The following PXN variants were observed in gnomAD, a reference collection of about 807,000 sequenced individuals.
PXN encodes paxillin.
In PXN, 61 loss-of-function variants were observed where a neutral mutation model predicts 103.6. That is an observed-to-expected ratio of 0.59 (90% CI 0.48 to 0.73). The LOEUF is 0.73. Ranked by LOEUF, PXN falls within the 30% of genes least tolerant of loss-of-function variation. The pLI is 0.00. For missense variants in PXN, 1,274 were observed against 1,460.3 expected (o/e 0.87, Z 2.08); for synonymous variants, 562 against 607.8 (o/e 0.92, Z 1.11).
Position 120,222,087 on chromosome 12 carries a change from G to A in PXN, c.696-329C>T, listed in dbSNP as rs1483571242. On this transcript the variant is annotated intron_variant, in intron 5 of 14. Transcript: ENST00000637617. The surrounding 1 kb of genome is among the most constrained non-coding windows in gnomAD (Gnocchi z 4.7). ...AACACGACGGCACTGGTAAGAGCTC[G>A]CGTGTTGGGCACTCACCATGTGTGC... Among the ~76,000 whole-genome samples the A allele has an allele frequency of 1.3e-5, 2 of 152,198 alleles. No homozygotes were observed. Among genetic ancestry groups the A allele is most frequent in the Non-Finnish European group, 2.9e-5 (2 of 68,026 alleles).
chr12:120,228,399 C>T lies in PXN; in HGVS notation c.14-4022G>A, dbSNP rs368425371. ...CATGAGGAGGTAGGCCAGGCTGTCT[C>T]GAGGCTGAGGGCAGGCTAGGTGCAA... On this transcript the variant is annotated intron_variant, in intron 1 of 14. Transcript: ENST00000637617. The surrounding 1 kb of genome is among the most constrained non-coding windows in gnomAD (Gnocchi z 4.7). Among the ~76,000 whole-genome samples the T allele has an allele frequency of 9.2e-5, 14 of 152,200 alleles. No homozygotes were observed. Among genetic ancestry groups the T allele is most frequent in the East Asian group, 5.8e-4 (3 of 5,158 alleles).
chr12:120,212,196 G>A lies in PXN; in HGVS notation c.*118C>T, dbSNP rs1880384959. On this transcript the variant is annotated 3_prime_UTR_variant, in exon 15 of 15. Transcript: ENST00000637617. This position sits in a 1 kb window ranked among gnomAD's most constrained non-coding sequence, Gnocchi z 7.2. Reference sequence around the variant, plus strand: ...CCTCTGTCCATCCCGCACCAGCGGAGGACAAGGGTTCCAGTTTCAGTCGGG... The same window carrying A: ...CCTCTGTCCATCCCGCACCAGCGGAAGACAAGGGTTCCAGTTTCAGTCGGG... 2 of 1,413,200 alleles carry A rather than the reference G, an allele frequency of 1.4e-6. No individual in the cohort carries two copies. The highest frequency in any genetic ancestry group is 1.9e-6 in the Non-Finnish European group (2 of 1,041,584). 87.5% of individuals were successfully genotyped at this position (1,413,200 alleles called of 1,614,324 possible).
At chr12:120,243,731 T>A (rs1890554193) in intron 1 of PXN, among the ~76,000 whole-genome samples, 1 of 152,060 alleles carries the variant, frequency 6.6e-6, no homozygotes, top group Non-Finnish European at 1.5e-5. Flanking sequence ...GGATCCCATT[T>A]CCTCCAGGAA....
chr12:120,222,470 G>A lies in PXN; in HGVS notation c.695+79C>T. 1 of 1,433,582 alleles carries A rather than the reference G, an allele frequency of 7.0e-7. No individual in the cohort carries two copies. The allele number at this position is 1,433,582 out of a possible 1,614,324, so 88.8% of individuals were successfully genotyped here. On this transcript the variant is annotated intron_variant, in intron 5 of 14. Coordinates refer to ENST00000637617, the MANE Select transcript of PXN (RefSeq NM_001385981.1). This position sits in a 1 kb window ranked among gnomAD's most constrained non-coding sequence, Gnocchi z 4.7. Reference sequence around the variant, plus strand: ...CACGGGAGGGAGTGGGTGATACCAGGGCTAAGGGGACAGACACTGGACCCG... The same window carrying A: ...CACGGGAGGGAGTGGGTGATACCAGAGCTAAGGGGACAGACACTGGACCCG...
chr12:120,254,198 T>C (rs900864663), intron 1 of PXN, among the ~76,000 whole-genome samples: 62 of 152,120 alleles, frequency 4.1e-4, no homozygotes, highest in Middle Eastern at 3.4e-3. Flanking sequence ...TATTTATATA[T>C]CTATAAAGAG....
Position 120,249,760 on chromosome 12 carries a change from A to G in PXN, c.13+15857T>C, listed in dbSNP as rs1263523548. ...CCAGACAAAAAGACTTCAAGTGCCA[A>G]CTTCCAAAGAGAGAGAAGGGGGAGG... is the stretch of plus-strand genomic sequence containing the variant. On this transcript the variant is annotated intron_variant, in intron 1 of 14. Coordinates refer to ENST00000637617, the MANE Select transcript of PXN (RefSeq NM_001385981.1). 4 of 787,496 alleles carry G rather than the reference A, an allele frequency of 5.1e-6. No individual in the cohort carries two copies. In the East Asian group the frequency reaches 5.1e-4, roughly 100 times the overall value. The allele number at this position is 787,496 out of a possible 1,614,324, so 48.8% of individuals were successfully genotyped here. A position where few individuals can be genotyped will look rare whatever the true frequency, so the allele number is the denominator to read the frequency against.
Position 120,212,935 on chromosome 12 carries a change from CAGCCTGG to C in PXN, c.2980-362_2980-356del. 1.5e-5 allele frequency: 3 copies of C among 202,854 alleles called. No individual in the cohort carries two copies. Among genetic ancestry groups the C allele is most frequent in the South Asian group, 9.8e-5 (1 of 10,162 alleles). 12.6% of individuals were successfully genotyped at this position (202,854 alleles called of 1,614,324 possible). A position where few individuals can be genotyped will look rare whatever the true frequency, so the allele number is the denominator to read the frequency against. ...CAGGGTCATGCAGCTACTGAGGTCA[CAGCCTGG>C]ATTCATACACAGGTCTGACTCCTGA... On this transcript the variant is annotated intron_variant, in intron 14 of 14. Coordinates refer to ENST00000637617, the MANE Select transcript of PXN (RefSeq NM_001385981.1). This position sits in a 1 kb window ranked among gnomAD's most constrained non-coding sequence, Gnocchi z 7.2.
intron 1 of PXN, among the ~76,000 whole-genome samples, chr12:120,242,127 C>T (rs910372911): frequency 5.9e-5 from 9 of 152,136 alleles, no homozygotes; most frequent in African/African-American, 2.2e-4. Context: ...CCACAGTGTT[C>T]CCTGAGCCAG....
At chr12:120,234,147 C>T (rs1296482375) in intron 1 of PXN, among the ~76,000 whole-genome samples, 1 of 152,020 alleles carries the variant, frequency 6.6e-6, no homozygotes, top group East Asian at 1.9e-4. Flanking sequence ...GCTTGTAATC[C>T]CAGCACTTTG....
At chr12:120,245,689 G>A (rs983619179) in intron 1 of PXN, among the ~76,000 whole-genome samples, 1 of 150,924 alleles carries the variant, frequency 6.6e-6, no homozygotes, top group South Asian at 2.1e-4. Context: ...TTGGGAGGCT[G>A]AGGCAGGAGA....
intron 1 of PXN, among the ~76,000 whole-genome samples, chr12:120,244,990 C>T (rs906786947): frequency 1.3e-5 from 2 of 151,836 alleles, no homozygotes; most frequent in African/African-American, 4.8e-5. Context: ...GGAAGGGGAG[C>T]TCCAAGAGGT....
In PXN at chr12:120,228,996, G is replaced by A. The variant is rs150446739; in HGVS notation, c.14-4619C>T. 2.6e-5 allele frequency among the ~76,000 whole-genome samples: 4 copies of A among 152,272 alleles called. No homozygotes were observed. Among genetic ancestry groups the A allele is most frequent in the East Asian group, 1.9e-4 (1 of 5,184 alleles). On this transcript the variant is annotated intron_variant, in intron 1 of 14. Coordinates refer to ENST00000637617, the MANE Select transcript of PXN (RefSeq NM_001385981.1). The surrounding 1 kb of genome is among the most constrained non-coding windows in gnomAD (Gnocchi z 4.7). ...GTAATCCTTACAACCGGTGGGAGCC[G>A]CTGGAGGGTTAAGGTACAGACACCC...
Position 120,224,190 on chromosome 12 carries a change from G to A in PXN, c.201C>T (p.Asp67=), listed in dbSNP as rs745705720. 4 of 1,607,660 alleles carry A rather than the reference G, an allele frequency of 2.5e-6. No individual in the cohort carries two copies. Among genetic ancestry groups the A allele is most frequent in the Admixed American group, 1.7e-5 (1 of 58,850 alleles). The change falls in exon 2 of 15, where the codon GAC becomes GAT. Residue 67 remains aspartate (D), a synonymous_variant. Transcript: ENST00000637617. The surrounding 1 kb of genome is among the most constrained non-coding windows in gnomAD (Gnocchi z 5.0). ...ALNGTILDPL[D]QWQPSSSRFI... ...ATCGGGAGCTGCTGGGCTGCCACTG[G>A]TCTAAGGGGTCAAGGATTGTGCCAT...
chr12:120,260,500 G>GAAA (rs11433431), intron 1 of PXN, among the ~76,000 whole-genome samples: 4 of 137,384 alleles, frequency 2.9e-5, no homozygotes, highest in Admixed American at 7.4e-5. Flanking sequence ...TGAAACTCAG[G>GAAA]AAAAAAAAAA....
chr12:120,215,881 C>T lies in PXN; in HGVS notation c.2302-220G>A. ...GACAGGGAGGGGAGTCGACCAAAGG[C>T]AGAGGAAATGGCAAGGGGAGGTGGC... On this transcript the variant is annotated intron_variant, in intron 9 of 14. Transcript: ENST00000637617. The surrounding 1 kb of genome is among the most constrained non-coding windows in gnomAD (Gnocchi z 4.9). 1 of 1,354,442 alleles carries T rather than the reference C, an allele frequency of 7.4e-7. No homozygotes were observed. The allele number at this position is 1,354,442 out of a possible 1,614,324, so 83.9% of individuals were successfully genotyped here.
intron 1 of PXN, among the ~76,000 whole-genome samples, chr12:120,234,197 G>A (rs1210116638): frequency 5.3e-5 from 8 of 151,946 alleles, no homozygotes; most frequent in Non-Finnish European, 8.8e-5. Context: ...CCAGGAGTTC[G>A]AAACCATGTT....
At chr12:120,253,794 A>G (rs1306065121) in intron 1 of PXN, among the ~76,000 whole-genome samples, 2 of 152,238 alleles carry the variant, frequency 1.3e-5, no homozygotes, top group African/African-American at 4.8e-5. Flanking sequence ...GCATGGAAGG[A>G]CGTGCTAAGT....
chr12:120,233,182 TCTTGGCACCCAGC>T (rs1435042616), intron 1 of PXN, among the ~76,000 whole-genome samples: 2 of 152,170 alleles, frequency 1.3e-5, no homozygotes, highest in African/African-American at 4.8e-5. Context: ...GGCCCGAACT[TCTTGGCACCCAGC>T]CTTTTTGGGG....
rs1880125958 is a variant in PXN at position 120,211,372 on chromosome 12, C to T, written c.*942G>A. On this transcript the variant is annotated 3_prime_UTR_variant, in exon 15 of 15. Coordinates refer to ENST00000637617, the MANE Select transcript of PXN (RefSeq NM_001385981.1). ...TGAAAGAGGGGGAGTCACAGAGCTGCTCCCAGTTCACCTGCTTGTGCTAAG... is the reference window on the plus strand; with the variant it reads ...TGAAAGAGGGGGAGTCACAGAGCTGTTCCCAGTTCACCTGCTTGTGCTAAG... The T allele has an allele frequency of 6.5e-6, 1 of 154,464 alleles. No individual in the cohort carries two copies. The highest frequency in any genetic ancestry group is 1.4e-5 in the Non-Finnish European group (1 of 69,296). The allele number at this position is 154,464 out of a possible 1,614,324, so 9.6% of individuals were successfully genotyped here.
Sources: gnomAD v4.1 joint callset for allele counts (sites outside exome capture counted in the v4.1 genomes callset) on GRCh38, gnomAD v4.1.1 for gene constraint, Gnocchi (gnomAD v3.1) non-coding constraint, MANE v1.5 for transcripts, NCBI Gene and HGNC (gene_info 2026-07-23, HGNC 2026-07-21) for gene names.